ANKRD11: variants seen among roughly 807,000 people sequenced by gnomAD.
The protein encoded by ANKRD11 is ankyrin repeat domain 11.
A neutral mutation model predicts 195.7 loss-of-function variants in ANKRD11; 17 were observed. That is an observed-to-expected ratio of 0.09 (90% CI 0.06 to 0.13). The LOEUF (loss-of-function observed/expected upper bound fraction) is 0.13, where lower values mean the gene tolerates loss of function less well. Ranked by LOEUF, ANKRD11 falls within the 10% of genes least tolerant of loss-of-function variation. ANKRD11 has a pLI of 1.00. For synonymous variants in ANKRD11, 1,953 were observed against 1,528.1 expected, an observed-to-expected ratio of 1.28 and a Z score of -6.49; for missense variants, 3,735 against 3,566.1, an observed-to-expected ratio of 1.05 and a Z score of -1.21.
At chr16:89,393,946 G>GT (rs1311934593) in intron 2 of ANKRD11, among the ~76,000 whole-genome samples, 29 of 152,214 alleles carry the variant, frequency 1.9e-4, no homozygotes, top group African/African-American at 6.3e-4. Flanking sequence ...TAGTTTACTT[G>GT]TGAGGGCTAC....
Position 89,285,755 on chromosome 16 carries a change from C to T in ANKRD11, c.893-106G>A. 7.7e-7 allele frequency: 1 copy of T among 1,301,620 alleles called. No homozygotes were observed. The highest frequency in any genetic ancestry group is 1.1e-6 in the Non-Finnish European group (1 of 909,262). 80.6% of individuals were successfully genotyped at this position (1,301,620 alleles called of 1,614,324 possible). A position where few individuals can be genotyped will look rare whatever the true frequency, so the allele number is the denominator to read the frequency against. ...GATGTGTCTGCGGGAAGGTTCCCACCCTGCCTCTGCAGAGACACTTTGCTC... is the reference window on the plus strand; with the variant it reads ...GATGTGTCTGCGGGAAGGTTCCCACTCTGCCTCTGCAGAGACACTTTGCTC... On this transcript the variant is annotated intron_variant, in intron 8 of 12. Transcript: ENST00000301030. This position sits in a 1 kb window ranked among gnomAD's most constrained non-coding sequence, Gnocchi z 5.6.
At chr16:89,371,130 G>A (rs1204230467) in intron 2 of ANKRD11, among the ~76,000 whole-genome samples, 1 of 152,196 alleles carries the variant, frequency 6.6e-6, no homozygotes, top group Non-Finnish European at 1.5e-5. Flanking sequence ...GACGGGACGA[G>A]CGTCTTGACT....
chr16:89,369,491 G>C (rs1022346962), intron 2 of ANKRD11, among the ~76,000 whole-genome samples: 1 of 152,246 alleles, frequency 6.6e-6, no homozygotes, highest in Non-Finnish European at 1.5e-5. Context: ...ACAAAGCTCT[G>C]CCGTATCAGA....
intron 2 of ANKRD11, among the ~76,000 whole-genome samples, chr16:89,369,647 G>A (rs11865298): frequency 0.03 from 4,538 of 152,284 alleles, 163 homozygotes; most frequent in African/African-American, 0.078. Flanking sequence ...AACCAGGGGG[G>A]TCCTTGTGGT....
intron 2 of ANKRD11, among the ~76,000 whole-genome samples, chr16:89,402,973 C>T (rs2041762140): frequency 6.6e-6 from 1 of 152,164 alleles, no homozygotes; most frequent in South Asian, 2.1e-4. Context: ...TCCGCCTGGG[C>T]TCCAGCTCTA....
intron 1 of ANKRD11, among the ~76,000 whole-genome samples, chr16:89,449,314 G>A (rs1421965336): frequency 3.3e-5 from 5 of 152,026 alleles, no homozygotes; most frequent in East Asian, 1.9e-4. Context: ...ACAGTGAGCC[G>A]TGATCCCACC....
intron 2 of ANKRD11, among the ~76,000 whole-genome samples, chr16:89,328,202 T>C (rs2037836929): frequency 6.6e-6 from 1 of 152,170 alleles, no homozygotes; most frequent in African/African-American, 2.4e-5. Context: ...TACTCAAGGA[T>C]GCTGGAGAGG....
chr16:89,350,939 C>T (rs1439277039), intron 2 of ANKRD11, among the ~76,000 whole-genome samples: 1 of 152,202 alleles, frequency 6.6e-6, no homozygotes, highest in East Asian at 1.9e-4. Flanking sequence ...CAGCAACAGG[C>T]TCTACCATGT....
Position 89,270,893 on chromosome 16 carries a change from G to A in ANKRD11, c.7730C>T (p.Ser2577Leu), listed in dbSNP as rs1567537434. Residue 2577 changes from serine to leucine, a missense_variant, in exon 12 of 13, where the codon TCA becomes TTA. Transcript: ENST00000301030. ...GCGGGCGTTGAAACGGTCGCGCACT[G>A]ACTTGTTCTCGTCACCCTGTGGAAA... ...PLESQGDENKSVRDRFNARQF... is the reference protein window; with the variant it reads ...PLESQGDENKLVRDRFNARQF... 6.2e-7 allele frequency: 1 copy of A among 1,613,906 alleles called. No homozygotes were observed. Among genetic ancestry groups the A allele is most frequent in the Non-Finnish European group, 8.5e-7 (1 of 1,180,002 alleles).
At chr16:89,270,670 G>T in intron 12 of ANKRD11, 147 bp downstream of exon 12, 1 of 815,320 alleles carries the variant, frequency 1.2e-6, no homozygotes, top group Non-Finnish European at 2.1e-6. Flanking sequence ...GCATCGGCCA[G>T]ATTAAGAGAA....
At chr16:89,355,560 G>A (rs1015208902) in intron 2 of ANKRD11, among the ~76,000 whole-genome samples, 1 of 152,150 alleles carries the variant, frequency 6.6e-6, no homozygotes, top group Non-Finnish European at 1.5e-5. Flanking sequence ...CTTCCAGCAG[G>A]GACGGCCCCA....
At chr16:89,375,866 C>A (rs145469865) in intron 2 of ANKRD11, among the ~76,000 whole-genome samples, 188 of 151,248 alleles carry the variant, frequency 1.2e-3, no homozygotes, top group Middle Eastern at 3.5e-3. Context: ...CAGACCCACA[C>A]AAAGTGCCAC....
intron 2 of ANKRD11, among the ~76,000 whole-genome samples, chr16:89,367,164 C>T (rs1421564119): frequency 6.6e-6 from 1 of 152,208 alleles, no homozygotes; most frequent in Non-Finnish European, 1.5e-5. Context: ...AGAGCAGGCA[C>T]CTCAGGGGGA....
chr16:89,436,739 C>G (rs1478455859), intron 1 of ANKRD11, among the ~76,000 whole-genome samples: 1 of 152,176 alleles, frequency 6.6e-6, no homozygotes, highest in Non-Finnish European at 1.5e-5. Flanking sequence ...AACCAAAAAA[C>G]TTTTACTATA....
At chr16:89,460,327 T>G (rs1425968801) in intron 1 of ANKRD11, among the ~76,000 whole-genome samples, 1 of 151,848 alleles carries the variant, frequency 6.6e-6, no homozygotes, top group Non-Finnish European at 1.5e-5. Context: ...AATAAGTGTA[T>G]CCTATAAATG....
intron 1 of ANKRD11, chr16:89,489,128 CT>C (rs2057716774): frequency 6.6e-6 from 1 of 152,056 alleles, no homozygotes; most frequent in Non-Finnish European, 1.5e-5. Context: ...CCCGACCAAC[CT>C]TCCCAAATAA....
chr16:89,318,875 T>A (rs925701359), intron 2 of ANKRD11, among the ~76,000 whole-genome samples: 1 of 152,128 alleles, frequency 6.6e-6, no homozygotes, highest in Non-Finnish European at 1.5e-5. Flanking sequence ...CCATCCACCA[T>A]CCCTGATGCC....
intron 2 of ANKRD11, among the ~76,000 whole-genome samples, chr16:89,416,312 T>TC (rs1291666345): frequency 6.6e-6 from 1 of 152,006 alleles, no homozygotes; most frequent in Non-Finnish European, 1.5e-5. Flanking sequence ...TTTTTTTTTT[T>TC]CCCCAGAGAC....
At chr16:89,462,047 CCCCTCT>C (rs905664156) in intron 1 of ANKRD11, among the ~76,000 whole-genome samples, 2 of 131,254 alleles carry the variant, frequency 1.5e-5, no homozygotes, top group South Asian at 2.8e-4. Context: ...TCTCCCTCTC[CCCCTCT>C]CCCTCTCCCT....
Sources: allele counts gnomAD v4.1 joint callset (sites outside exome capture counted in the v4.1 genomes callset), GRCh38; gene constraint gnomAD v4.1.1; non-coding constraint Gnocchi (gnomAD v3.1); transcripts MANE v1.5; gene names NCBI Gene and HGNC (gene_info 2026-07-23, HGNC 2026-07-21).